Variants in SEC24B observed in about 807,000 individuals in gnomAD.
SEC24B encodes protein transport protein Sec24B.
SEC24B carries 45 observed loss-of-function variants against 142.8 expected under a neutral mutation model. The ratio of observed to expected loss-of-function variants is 0.32; its 90% CI spans 0.25 to 0.40. SEC24B has a LOEUF of 0.40. Among genes scored for constraint, SEC24B ranks in the 10% least tolerant of loss-of-function variants. The pLI is 1.00. For synonymous variants in SEC24B, 574 were observed against 568.2 expected (o/e 1.01, Z -0.15); for missense variants, 1,409 against 1,526.8 (o/e 0.92, Z 1.29).
chr4:109,540,256 G>A lies in SEC24B; in HGVS notation c.*581G>A, dbSNP rs568308855. The A allele has an allele frequency of 1.4e-4, 22 of 152,764 alleles. No homozygotes were observed. Among genetic ancestry groups the A allele is most frequent in the African/African-American group, 5.3e-4 (22 of 41,572 alleles). 9.5% of individuals were successfully genotyped at this position (152,764 alleles called of 1,614,324 possible). ...ACATTTGTAAAGAAAATGTAAAAAT[G>A]TAACTATAGCATATGAATTGCTTAA... On this transcript the variant is annotated 3_prime_UTR_variant, in exon 24 of 24. Coordinates refer to ENST00000265175, the MANE Select transcript of SEC24B (RefSeq NM_006323.5).
intron 4 of SEC24B, among the ~76,000 whole-genome samples, chr4:109,490,554 A>G (rs1466051618): frequency 2.0e-5 from 3 of 152,078 alleles, no homozygotes; most frequent in East Asian, 3.8e-4. Flanking sequence ...ATACGCTAGC[A>G]TACGTACCCA....
chr4:109,533,790 T>C, intron 22 of SEC24B, 105 bp downstream of exon 22: 1 of 794,084 alleles, frequency 1.3e-6, no homozygotes, highest in Non-Finnish European at 2.1e-6. Context: ...TTCAGTAATT[T>C]TTGGTATTAC....
intron 6 of SEC24B, among the ~76,000 whole-genome samples, chr4:109,498,159 A>G (rs1342750802): frequency 6.6e-6 from 1 of 152,160 alleles, no homozygotes; most frequent in Non-Finnish European, 1.5e-5. Context: ...TGATAGATGG[A>G]TCTTTCCAAG....
At chr4:109,530,683 G>A (rs9994985) in intron 19 of SEC24B, among the ~76,000 whole-genome samples, 46,406 of 151,728 alleles carry the variant, frequency 0.31, 11,784 homozygotes, top group African/African-American at 0.7. Flanking sequence ...GTGCGGATCA[G>A]CTGATGCCAG....
chr4:109,454,779 G>A (rs939644998), intron 1 of SEC24B, among the ~76,000 whole-genome samples: 1 of 152,104 alleles, frequency 6.6e-6, no homozygotes. Flanking sequence ...CTTTCCCTCT[G>A]TCCTATGTGT....
intron 1 of SEC24B, among the ~76,000 whole-genome samples, chr4:109,439,328 A>G (rs1184711007): frequency 2.0e-5 from 3 of 152,082 alleles, no homozygotes; most frequent in Non-Finnish European, 2.9e-5. Flanking sequence ...TGTATCTCAA[A>G]TAAGTTCCTT....
intron 14 of SEC24B, among the ~76,000 whole-genome samples, chr4:109,522,788 T>C (rs1723794368): frequency 6.6e-6 from 1 of 152,210 alleles, no homozygotes; most frequent in African/African-American, 2.4e-5. Context: ...TTTGACCTTT[T>C]TCATTGGAGA....
At chr4:109,479,340 C>G (rs372835465) in intron 3 of SEC24B, among the ~76,000 whole-genome samples, 6 of 152,246 alleles carry the variant, frequency 3.9e-5, no homozygotes, top group African/African-American at 1.4e-4. Flanking sequence ...ACTCCATGTA[C>G]ATACATTTCT....
chr4:109,470,876 AG>A (rs1229525402), intron 2 of SEC24B, among the ~76,000 whole-genome samples: 13 of 152,242 alleles, frequency 8.5e-5, no homozygotes, highest in African/African-American at 3.1e-4. Context: ...TTATAAAAAG[AG>A]CAAAAATAAT....
chr4:109,438,310 G>GTTTA (rs928177978), intron 1 of SEC24B, among the ~76,000 whole-genome samples: 17 of 152,018 alleles, frequency 1.1e-4, no homozygotes, highest in African/African-American at 2.7e-4. Context: ...TTGTCTGTTT[G>GTTTA]TTTATTTATT....
intron 1 of SEC24B, among the ~76,000 whole-genome samples, chr4:109,453,287 A>C (rs1274788928): frequency 2.0e-5 from 3 of 152,144 alleles, no homozygotes; most frequent in African/African-American, 7.2e-5. Flanking sequence ...ACATCTTAAC[A>C]TGGTTCAAGA....
intron 14 of SEC24B, among the ~76,000 whole-genome samples, chr4:109,522,939 G>A (rs1333560427): frequency 2.0e-5 from 3 of 151,966 alleles, no homozygotes; most frequent in African/African-American, 7.2e-5. Flanking sequence ...TTGCTGTGTT[G>A]CCCAGGCTGG....
chr4:109,536,529 G>A (rs1330096761), intron 22 of SEC24B, among the ~76,000 whole-genome samples: 1 of 152,034 alleles, frequency 6.6e-6, no homozygotes, highest in South Asian at 2.1e-4. Flanking sequence ...TGAATTTTTT[G>A]TTTTGTTTTG....
At chr4:109,438,369 A>T (rs940638930) in intron 1 of SEC24B, among the ~76,000 whole-genome samples, 3 of 152,220 alleles carry the variant, frequency 2.0e-5, no homozygotes, top group African/African-American at 7.2e-5. Flanking sequence ...GCTGGAGTAC[A>T]GTGTTGCCAT....
At chr4:109,470,423 ACTT>A in intron 2 of SEC24B, among the ~76,000 whole-genome samples, 1 of 152,212 alleles carries the variant, frequency 6.6e-6, no homozygotes, top group East Asian at 1.9e-4. Context: ...ATAAAGCACC[ACTT>A]CTTTTAGATG....
At chr4:109,476,993 C>T (rs1305380528) in intron 3 of SEC24B, among the ~76,000 whole-genome samples, 4 of 151,308 alleles carry the variant, frequency 2.6e-5, no homozygotes, top group African/African-American at 4.9e-5. Flanking sequence ...AAAAATTAGC[C>T]GGGCGTAGTG....
chr4:109,515,628 C>G lies in SEC24B; in HGVS notation c.2014-900C>G, dbSNP rs186876193. Among the ~76,000 whole-genome samples the G allele has an allele frequency of 2.0e-5, 3 of 152,188 alleles. No individual in the cohort carries two copies. The East Asian group carries it at 5.8e-4, about 29-fold the overall frequency. On this transcript the variant is annotated intron_variant, in intron 10 of 23. Transcript: ENST00000265175. Reference sequence around the variant, plus strand: ...ACAGGCATGAGCCACTGCACCTGGCCTATTTCAACTTTATATAACAGCAGT... The same window carrying G: ...ACAGGCATGAGCCACTGCACCTGGCGTATTTCAACTTTATATAACAGCAGT...
intron 4 of SEC24B, among the ~76,000 whole-genome samples, chr4:109,482,979 T>TATATATATATATACACAC (rs781527364): frequency 6.8e-4 from 18 of 26,400 alleles, no homozygotes; most frequent in South Asian, 1.7e-3. Flanking sequence ...TATATATATA[T>TATATATATATATACACAC]ACACACACAC....
intron 2 of SEC24B, among the ~76,000 whole-genome samples, chr4:109,467,325 CAA>C (rs70949083): frequency 2.3e-4 from 14 of 59,856 alleles, no homozygotes; most frequent in Admixed American, 1.0e-3. Flanking sequence ...GACTCCGTCT[CAA>C]AAAAAAAAAA....
Sources: allele counts gnomAD v4.1 joint callset (sites outside exome capture counted in the v4.1 genomes callset), GRCh38; gene constraint gnomAD v4.1.1; transcripts MANE v1.5; gene names NCBI Gene and HGNC (gene_info 2026-07-23, HGNC 2026-07-21).